The following FSTL4 variants were observed in gnomAD, a reference collection of about 807,000 sequenced individuals.
FSTL4 encodes follistatin like 4, also known as follistatin-related protein 4.
Under a neutral mutation model 78.2 loss-of-function variants are expected in FSTL4, and 28 were observed. The ratio of observed to expected loss-of-function variants is 0.36; its 90% CI spans 0.27 to 0.49. The LOEUF (loss-of-function observed/expected upper bound fraction) is 0.49, where lower values mean the gene tolerates loss of function less well. FSTL4 is among the 20% of genes least tolerant of loss of function. The probability of loss-of-function intolerance (pLI) is 0.98; values close to 1 mark genes in which losing one functional copy is unlikely to be tolerated. For missense variants in FSTL4, 922 were observed against 1,084.9 expected (o/e 0.85, Z 2.11); for synonymous variants, 422 against 440.5 (o/e 0.96, Z 0.53).
At chr5:133,652,875 G>A in the FSTL4 span, among the ~76,000 whole-genome samples, 1 of 152,128 alleles carries the variant, frequency 6.6e-6, no homozygotes, top group Non-Finnish European at 1.5e-5. Flanking sequence ...AGAAGTAACT[G>A]TACCCATCGT....
intron 3 of FSTL4, among the ~76,000 whole-genome samples, chr5:133,509,733 T>G (rs1014255803): frequency 2.6e-5 from 4 of 152,230 alleles, no homozygotes; most frequent in African/African-American, 9.7e-5. Flanking sequence ...TTATGGATAA[T>G]GGGCCTAACA....
At chr5:133,768,563 A>G in the FSTL4 span, among the ~76,000 whole-genome samples, 10 of 152,214 alleles carry the variant, frequency 6.6e-5, no homozygotes, top group Admixed American at 6.5e-4. Context: ...AATTTTCCCT[A>G]TACTTTGCAG....
At chr5:133,243,600 G>C (rs1227752743) in intron 7 of FSTL4, among the ~76,000 whole-genome samples, 2 of 152,222 alleles carry the variant, frequency 1.3e-5, no homozygotes, top group East Asian at 3.8e-4. Context: ...GAGAGCTCTG[G>C]GCCAGGGCAT....
the FSTL4 span, among the ~76,000 whole-genome samples, chr5:133,812,132 C>A: frequency 6.6e-6 from 1 of 152,340 alleles, no homozygotes; most frequent in South Asian, 2.1e-4. Context: ...CCACTCCACA[C>A]AGCTCTACCT....
chr5:133,421,913 A>G (rs1159357016), intron 3 of FSTL4, among the ~76,000 whole-genome samples: 1 of 152,252 alleles, frequency 6.6e-6, no homozygotes, highest in Non-Finnish European at 1.5e-5. Context: ...GCGGGAAGTG[A>G]TAAGTACCAT....
chr5:133,413,726 A>G (rs1000052159), intron 3 of FSTL4, among the ~76,000 whole-genome samples: 15 of 151,706 alleles, frequency 9.9e-5, no homozygotes, highest in African/African-American at 3.1e-4. Flanking sequence ...CGCATTTCCC[A>G]TCTTTGGTTT....
intron 3 of FSTL4, among the ~76,000 whole-genome samples, chr5:133,414,801 T>C (rs1298394348): frequency 6.6e-6 from 1 of 152,214 alleles, no homozygotes; most frequent in African/African-American, 2.4e-5. Context: ...ACAATTCCTA[T>C]TGCAGAAGAA....
the FSTL4 span, among the ~76,000 whole-genome samples, chr5:133,699,181 A>T: frequency 1.3e-5 from 2 of 152,146 alleles, no homozygotes; most frequent in African/African-American, 4.8e-5. Context: ...TGCCCTCACC[A>T]TGAGACTTGG....
chr5:133,618,011 A>T, the FSTL4 span, among the ~76,000 whole-genome samples: 1 of 152,178 alleles, frequency 6.6e-6, no homozygotes, highest in African/African-American at 2.4e-5. Flanking sequence ...TGACAAATGC[A>T]GTAGCCCTTC....
At chr5:133,627,656 C>T in the FSTL4 span, among the ~76,000 whole-genome samples, 1 of 152,176 alleles carries the variant, frequency 6.6e-6, no homozygotes, top group African/African-American at 2.4e-5. Context: ...TTCTTACAGA[C>T]AGCATATAGC....
At chr5:133,732,142 G>A in the FSTL4 span, among the ~76,000 whole-genome samples, 3 of 152,312 alleles carry the variant, frequency 2.0e-5, no homozygotes, top group Non-Finnish European at 2.9e-5. Context: ...TATCAGGCAG[G>A]CCCCACACAG....
chr5:133,219,052 G>A (rs1194842075), intron 12 of FSTL4, among the ~76,000 whole-genome samples: 1 of 152,146 alleles, frequency 6.6e-6, no homozygotes, highest in Non-Finnish European at 1.5e-5. Context: ...TTTTCCTTGC[G>A]ATTGTGGCCC....
At chr5:133,492,223 T>C (rs10037012) in intron 3 of FSTL4, among the ~76,000 whole-genome samples, 1,895 of 152,202 alleles carry the variant, frequency 0.012, 40 homozygotes, top group African/African-American at 0.044. Flanking sequence ...CATCTCTTGT[T>C]TCATATTTTA....
intron 6 of FSTL4, among the ~76,000 whole-genome samples, chr5:133,308,763 C>T (rs969868254): frequency 1.2e-4 from 19 of 152,182 alleles, no homozygotes; most frequent in Non-Finnish European, 1.5e-5. Context: ...GTTTTCCTTT[C>T]TGCTTGCCTG....
At chr5:133,783,023 C>T in the FSTL4 span, among the ~76,000 whole-genome samples, 4 of 152,186 alleles carry the variant, frequency 2.6e-5, no homozygotes, top group African/African-American at 7.2e-5. Context: ...TTCTCAGCAC[C>T]GTCACCAGCA....
chr5:133,728,082 T>C, the FSTL4 span, among the ~76,000 whole-genome samples: 1 of 152,330 alleles, frequency 6.6e-6, no homozygotes, highest in East Asian at 1.9e-4. Flanking sequence ...ACAGGGCCTG[T>C]AGAAGAGATG....
intron 8 of FSTL4, among the ~76,000 whole-genome samples, chr5:133,233,207 C>G (rs1226727678): frequency 1.3e-5 from 2 of 152,270 alleles, no homozygotes; most frequent in Non-Finnish European, 2.9e-5. Context: ...TTTGTTTCAC[C>G]TGTGGAGGCT....
chr5:133,351,770 G>A (rs547454707), intron 4 of FSTL4, among the ~76,000 whole-genome samples: 2 of 152,044 alleles, frequency 1.3e-5, no homozygotes, highest in Non-Finnish European at 1.5e-5. Flanking sequence ...ACCTTGCCCA[G>A]CTAGTTTTTT....
At chr5:133,438,816 G>GA (rs1404900479) in intron 3 of FSTL4, among the ~76,000 whole-genome samples, 1 of 152,210 alleles carries the variant, frequency 6.6e-6, no homozygotes, top group African/African-American at 2.4e-5. Context: ...CTGCCTTTGG[G>GA]GAAGGTCTGA....
Sources: allele counts gnomAD v4.1 joint callset (sites outside exome capture counted in the v4.1 genomes callset), GRCh38; gene constraint gnomAD v4.1.1; transcripts MANE v1.5; gene names NCBI Gene and HGNC (gene_info 2026-07-23, HGNC 2026-07-21).